The following R3HDM2 variants were observed in gnomAD, a reference collection of about 807,000 sequenced individuals.
R3HDM2 encodes R3H domain containing 2.
A neutral mutation model predicts 124.5 loss-of-function variants in R3HDM2; 38 were observed. That is an observed-to-expected ratio of 0.31 (90% confidence interval 0.24 to 0.40). The LOEUF (loss-of-function observed/expected upper bound fraction) is 0.40, where lower values mean the gene tolerates loss of function less well. R3HDM2 is among the 10% of genes least tolerant of loss of function. The probability of loss-of-function intolerance (pLI) is 1.00; values close to 1 mark genes in which losing one functional copy is unlikely to be tolerated. For missense variants in R3HDM2, 869 were observed against 1,236.9 expected (o/e 0.70, Z 4.46); for synonymous variants, 391 against 448.0 (o/e 0.87, Z 1.61).
At chr12:57,410,767 C>T (rs2068937185) in intron 1 of R3HDM2, among the ~76,000 whole-genome samples, 2 of 152,094 alleles carry the variant, frequency 1.3e-5, no homozygotes, top group Non-Finnish European at 2.9e-5. Context: ...GCAGAAGGAT[C>T]GCTTGAGCCA....
chr12:57,303,050 G>T, intron 4 of R3HDM2, 126 bp downstream of exon 4: 1 of 825,470 alleles, frequency 1.2e-6, no homozygotes, highest in East Asian at 2.7e-5. Context: ...TTCACAATTG[G>T]GGTACAGAGT....
chr12:57,342,809 T>A (rs2059697103), intron 2 of R3HDM2, among the ~76,000 whole-genome samples: 1 of 152,202 alleles, frequency 6.6e-6, no homozygotes, highest in South Asian at 2.1e-4. Flanking sequence ...ACTTTAGAAA[T>A]GTAAAATTAA....
intron 2 of R3HDM2, among the ~76,000 whole-genome samples, chr12:57,325,840 G>A (rs963170840): frequency 6.6e-6 from 1 of 150,558 alleles, no homozygotes; most frequent in Non-Finnish European, 1.5e-5. Context: ...ACTGTGCCTG[G>A]TTTTTTCTTT....
chr12:57,420,487 C>G (rs745510495), intron 1 of R3HDM2, among the ~76,000 whole-genome samples: 5 of 151,590 alleles, frequency 3.3e-5, no homozygotes, highest in African/African-American at 1.2e-4. Flanking sequence ...GAAACTCCTC[C>G]TACTTCTCAT....
intron 19 of R3HDM2, among the ~76,000 whole-genome samples, chr12:57,263,764 T>A (rs1376787300): frequency 6.6e-6 from 1 of 152,114 alleles, no homozygotes; most frequent in African/African-American, 2.4e-5. Flanking sequence ...TGAGACACCA[T>A]GCCTGGCCTG....
At chr12:57,387,099 C>T in intron 2 of R3HDM2, among the ~76,000 whole-genome samples, 1 of 152,056 alleles carries the variant, frequency 6.6e-6, no homozygotes, top group Non-Finnish European at 1.5e-5. Context: ...CCAATCAGCT[C>T]TCTGTAAAAT....
chr12:57,386,319 C>A (rs1385449900), intron 2 of R3HDM2, among the ~76,000 whole-genome samples: 1 of 152,200 alleles, frequency 6.6e-6, no homozygotes, highest in East Asian at 1.9e-4. Context: ...GACGGAGAGG[C>A]ACGGGCGGGA....
At chr12:57,312,973 A>G (rs1018637210) in intron 2 of R3HDM2, among the ~76,000 whole-genome samples, 2 of 151,094 alleles carry the variant, frequency 1.3e-5, no homozygotes, top group African/African-American at 4.9e-5. Flanking sequence ...GAATTTAAAG[A>G]TGAGAAATAT....
intron 2 of R3HDM2, among the ~76,000 whole-genome samples, chr12:57,331,310 C>T (rs1762171678): frequency 6.6e-6 from 1 of 152,184 alleles, no homozygotes; most frequent in South Asian, 2.1e-4. Context: ...AAATGATCTA[C>T]AAGACCTTAA....
At chr12:57,371,953 C>T (rs928857811) in intron 2 of R3HDM2, among the ~76,000 whole-genome samples, 8 of 152,200 alleles carry the variant, frequency 5.3e-5, no homozygotes, top group South Asian at 2.1e-4. Context: ...CTATAACCTC[C>T]GCCTCCCGGG....
chr12:57,283,763 G>A lies in R3HDM2; in HGVS notation c.1171+61C>T. 4 of 1,502,542 alleles carry A rather than the reference G, an allele frequency of 2.7e-6. No individual in the cohort carries two copies. In the African/African-American group the frequency reaches 4.1e-5, roughly 16 times the overall value. The allele number at this position is 1,502,542 out of a possible 1,614,324, so 93.1% of individuals were successfully genotyped here. Reference sequence around the variant, plus strand: ...AAAAAAAAAAGTAAATATCAGTGATGTTTCACAGGAGACAAGCAAGAAGGG... The same window carrying A: ...AAAAAAAAAAGTAAATATCAGTGATATTTCACAGGAGACAAGCAAGAAGGG... On this transcript the variant is annotated intron_variant, in intron 13 of 23. Coordinates refer to ENST00000402412, the MANE Select transcript of R3HDM2 (RefSeq NM_001394031.1).
chr12:57,288,886 A>G, intron 12 of R3HDM2, 123 bp downstream of exon 12: 5 of 1,551,556 alleles, frequency 3.2e-6, no homozygotes, highest in Non-Finnish European at 3.5e-6. Context: ...TGTGAGAGCT[A>G]GAAGAAAAGG....
At chr12:57,319,081 T>C (rs1047558765) in intron 2 of R3HDM2, among the ~76,000 whole-genome samples, 5 of 152,226 alleles carry the variant, frequency 3.3e-5, no homozygotes, top group Admixed American at 2.0e-4. Context: ...AGAAGCTTTC[T>C]CATTCTCCAT....
intron 2 of R3HDM2, among the ~76,000 whole-genome samples, chr12:57,326,605 G>A (rs1466449520): frequency 6.6e-6 from 1 of 152,244 alleles, no homozygotes; most frequent in African/African-American, 2.4e-5. Context: ...AAGTGCTGTT[G>A]TAGAAGCTGT....
At chr12:57,367,130 TCTACTCAA>T (rs2062761331) in intron 2 of R3HDM2, among the ~76,000 whole-genome samples, 1 of 152,222 alleles carries the variant, frequency 6.6e-6, no homozygotes, top group Admixed American at 6.5e-5. Context: ...TTCTAAGGAC[TCTACTCAA>T]TGTCCCAGGT....
At chr12:57,325,360 C>T (rs1027929448) in intron 2 of R3HDM2, among the ~76,000 whole-genome samples, 4 of 152,082 alleles carry the variant, frequency 2.6e-5, no homozygotes, top group Non-Finnish European at 5.9e-5. Context: ...GCTAGGCTGG[C>T]CATGAAGTAT....
intron 2 of R3HDM2, among the ~76,000 whole-genome samples, chr12:57,334,518 T>A (rs1593448271): frequency 6.6e-6 from 1 of 152,016 alleles, no homozygotes; most frequent in East Asian, 1.9e-4. Context: ...TAGAAACTGC[T>A]GCAAAAACTG....
intron 2 of R3HDM2, among the ~76,000 whole-genome samples, chr12:57,323,023 T>C (rs1214422584): frequency 6.6e-6 from 1 of 152,178 alleles, no homozygotes; most frequent in Admixed American, 6.5e-5. Flanking sequence ...TTACTCAATA[T>C]TCTCAAGGTA....
At position 57,295,413 on chromosome 12, in the gene R3HDM2, G is replaced by C; in HGVS notation, c.796C>G (p.Arg266Gly). 6.5e-7 allele frequency: 1 copy of C among 1,549,932 alleles called. No homozygotes were observed. Among genetic ancestry groups the C allele is most frequent in the Non-Finnish European group, 8.7e-7 (1 of 1,145,866 alleles). Residue 266 changes from arginine (R) to glycine (G), a missense_variant, in exon 10 of 24, where the codon CGA (arginine) becomes GGA (glycine). By Grantham distance (125) the Arg-to-Gly change is moderately radical (BLOSUM62 -2). Transcript: ENST00000402412. Reference sequence around the variant, plus strand: ...CCATTCTTCACCTGGTTATCATCTCGGTCCATACTGGCATCATCTCTCTTG... The same window carrying C: ...CCATTCTTCACCTGGTTATCATCTCCGTCCATACTGGCATCATCTCTCTTG... ...ILKRDDASMD[R>G]DDNQIRVPLQ...
Sources: gnomAD v4.1 joint callset for allele counts (sites outside exome capture counted in the v4.1 genomes callset) on GRCh38, gnomAD v4.1.1 for gene constraint, MANE v1.5 for transcripts, NCBI Gene and HGNC (gene_info 2026-07-23, HGNC 2026-07-21) for gene names.